Variants in ACAN observed in about 807,000 individuals in gnomAD.
ACAN encodes the protein aggrecan.
ACAN carries 47 observed loss-of-function variants against 169.1 expected under a neutral mutation model. The ratio of observed to expected loss-of-function variants is 0.28; its 90% CI spans 0.22 to 0.35. ACAN has a LOEUF of 0.35. Among genes scored for constraint, ACAN ranks in the 10% least tolerant of loss-of-function variants. The probability of loss-of-function intolerance (pLI) is 1.00; values close to 1 mark genes in which losing one functional copy is unlikely to be tolerated. For synonymous variants in ACAN, 1,115 were observed against 1,112.2 expected (o/e 1.00, Z -0.05); for missense variants, 2,716 against 2,759.9 (o/e 0.98, Z 0.36).
rs761471393 is a variant in ACAN, at chr15:88,849,105, G to T, written c.1733-333G>T. Among the ~76,000 whole-genome samples the T allele has an allele frequency of 3.7e-4, 57 of 152,344 alleles. No individual in the cohort carries two copies. The highest frequency in any genetic ancestry group is 6.8e-3 in the Middle Eastern group (2 of 294). On this transcript the variant is annotated intron_variant, in intron 9 of 18. Transcript: ENST00000560601. The surrounding 1 kb of genome is among the most constrained non-coding windows in gnomAD (Gnocchi z 5.1). ...CTGCCTCGCTTAGCCAAGGGAGGGG[G>T]TGCCTAAGTGTGAGTGGAGAATCCA...
At position 88,858,885 on chromosome 15, in the gene ACAN, C is replaced by T; in HGVS notation, c.6300C>T (p.Ser2100=). ...GVEVSSVPES[S]SETSAYPEAG... ...AAGTATCATCAGTCCCAGAATCTAG[C>T]AGTGAGACGTCCGCCTATCCTGAAG... Residue 2100 remains serine (S), a synonymous_variant, in exon 12 of 19, where the codon AGC becomes AGT. Transcript: ENST00000560601. The surrounding 1 kb of genome is among the most constrained non-coding windows in gnomAD (Gnocchi z 4.0). The T allele has an allele frequency of 1.9e-6, 3 of 1,609,912 alleles. No individual in the cohort carries two copies. The highest frequency in any genetic ancestry group is 2.5e-6 in the Non-Finnish European group (3 of 1,177,144).
chr15:88,874,441 C>A lies in ACAN; in HGVS notation c.7667C>A (p.Ser2556Ter). The A allele has an allele frequency of 6.2e-7, 1 of 1,607,618 alleles. No homozygotes were observed. The change falls in exon 19 of 19, where the codon TCA becomes TAA. Residue 2556 changes from serine (S) to a stop codon, truncating the protein, a stop_gained. Transcript: ENST00000560601. LOFTEE classifies it high-confidence loss of function. This position sits in a 1 kb window ranked among gnomAD's most constrained non-coding sequence, Gnocchi z 7.3. ...AAACGCAGACTACAGAAGCGGAGCT[C>A]ACGGCACCCTCGGAGGAGCCGCCCC... ...TYKRRLQKRS[S>*]RHPRRSRPST...
At position 88,857,120 on chromosome 15, in the gene ACAN, G is replaced by A; in HGVS notation, c.4535G>A (p.Gly1512Glu). ...GIEDVSELPS[G>E]EGLETSASGV... Reference sequence around the variant, plus strand: ...GAGGATGTCAGTGAACTTCCTTCAGGAGAAGGTCTAGAGACCTCTGCTTCT... The same window carrying A: ...GAGGATGTCAGTGAACTTCCTTCAGAAGAAGGTCTAGAGACCTCTGCTTCT... Residue 1512 changes from glycine (G) to glutamate (E), a missense_variant, in exon 12 of 19, where the codon GGA becomes GAA. Transcript: ENST00000560601. 1 of 1,606,972 alleles carries A rather than the reference G, an allele frequency of 6.2e-7. No individual in the cohort carries two copies.
chr15:88,855,237 G>A lies in ACAN; in HGVS notation c.2652G>A (p.Gly884=), dbSNP rs1183692585. The change falls in exon 12 of 19, where the codon GGG becomes GGA. Residue 884 remains glycine, a synonymous_variant. Transcript: ENST00000560601. ...GDVSGHLDFS[G]QLSGDRASGL... is the part of the protein sequence containing the mutation. ...TTTCAGGACACCTTGACTTCAGTGGGCAGCTGTCAGGGGACAGGGCAAGTG... is the reference window on the plus strand; with the variant it reads ...TTTCAGGACACCTTGACTTCAGTGGACAGCTGTCAGGGGACAGGGCAAGTG... 1 of 1,604,514 alleles carries A rather than the reference G, an allele frequency of 6.2e-7. No homozygotes were observed. Among genetic ancestry groups the A allele is most frequent in the Non-Finnish European group, 8.5e-7 (1 of 1,172,500 alleles).
In ACAN at chr15:88,857,196, T is replaced by G; in HGVS notation, c.4611T>G (p.Ile1537Met). ...RLPSGEEVLE[I>M]SASGFGDLSG... ...CTTCTGGAGAAGAAGTTCTAGAGAT[T>G]TCTGCCTCTGGATTTGGGGACCTCA... Residue 1537 changes from isoleucine (I) to methionine (M), a missense_variant, in exon 12 of 19, where the codon ATT becomes ATG. Ile to Met is a conservative substitution (Grantham distance 10, BLOSUM62 1). Coordinates refer to ENST00000560601, the MANE Select transcript of ACAN (RefSeq NM_001369268.1). 2.5e-6 allele frequency: 4 copies of G among 1,613,614 alleles called. No individual in the cohort carries two copies. The highest frequency in any genetic ancestry group is 1.3e-5 in the African/African-American group (1 of 74,974).
intron 1 of ACAN, among the ~76,000 whole-genome samples, chr15:88,832,944 G>A (rs1896401132): frequency 6.6e-6 from 1 of 152,216 alleles, no homozygotes; most frequent in Non-Finnish European, 1.5e-5. Flanking sequence ...GAGGGATGAT[G>A]GCAGTCACAT....
At chr15:88,828,264 C>T (rs1896274854) in intron 1 of ACAN, among the ~76,000 whole-genome samples, 2 of 152,166 alleles carry the variant, frequency 1.3e-5, no homozygotes, top group African/African-American at 4.8e-5. Context: ...AGGACAGGGC[C>T]AGACCCTAGC....
At chr15:88,824,206 C>T (rs895150873) in intron 1 of ACAN, among the ~76,000 whole-genome samples, 1 of 151,992 alleles carries the variant, frequency 6.6e-6, no homozygotes, top group South Asian at 2.1e-4. Flanking sequence ...CACCTGTAGT[C>T]CCAGCTACTC....
rs1897333771 is a variant in ACAN at position 88,869,467 on chromosome 15, C to G, written c.7060+1138C>G. Among the ~76,000 whole-genome samples, 1 of 152,208 alleles carries G rather than the reference C, an allele frequency of 6.6e-6. No individual in the cohort carries two copies. The highest frequency in any genetic ancestry group is 2.1e-4 in the South Asian group (1 of 4,836). ...CCTGGACACTCCTACTCCCTTGCAG[C>G]CTCCCACCCTCCATCCTCACCCCAA... On this transcript the variant is annotated intron_variant, in intron 14 of 18. Coordinates refer to ENST00000560601, the MANE Select transcript of ACAN (RefSeq NM_001369268.1). This position sits in a 1 kb window ranked among gnomAD's most constrained non-coding sequence, Gnocchi z 4.2.
At chr15:88,836,063 C>T (rs1358263419) in intron 1 of ACAN, 137 bp from the exon 2 acceptor site, 2 of 629,064 alleles carry the variant, frequency 3.2e-6, no homozygotes, top group East Asian at 2.8e-5. Context: ...TCACAAACCA[C>T]GTGCAGCCTC....
chr15:88,822,709 CA>C (rs1419814579), intron 1 of ACAN, among the ~76,000 whole-genome samples: 1 of 152,184 alleles, frequency 6.6e-6, no homozygotes, highest in Non-Finnish European at 1.5e-5. Context: ...GCTGGGATTA[CA>C]GGCGTGAGCC....
chr15:88,863,977 G>A (rs1466624571), intron 13 of ACAN, among the ~76,000 whole-genome samples: 1 of 152,080 alleles, frequency 6.6e-6, no homozygotes, highest in Non-Finnish European at 1.5e-5. Context: ...TTCAAGACCA[G>A]CCTGGGCAAC....
chr15:88,817,713 G>A (rs1895975240), intron 1 of ACAN, among the ~76,000 whole-genome samples: 1 of 151,802 alleles, frequency 6.6e-6, no homozygotes, highest in African/African-American at 2.4e-5. Context: ...AATTAGCCAG[G>A]CATAGTGGTG....
rs1464147418 is a variant in ACAN at position 88,861,624 on chromosome 15, C to A, written c.6946+1185C>A. Among the ~76,000 whole-genome samples, 2 of 152,082 alleles carry A rather than the reference C, an allele frequency of 1.3e-5. No individual in the cohort carries two copies. The highest frequency in any genetic ancestry group is 1.3e-4 in the Admixed American group (2 of 15,266). ...GGGCTGCAAGGACAGAGAGGGTGGG[C>A]TATCCTGGGAAGGTCCCGGGCTTAC... On this transcript the variant is annotated intron_variant, in intron 13 of 18. Coordinates refer to ENST00000560601, the MANE Select transcript of ACAN (RefSeq NM_001369268.1). The surrounding 1 kb of genome is among the most constrained non-coding windows in gnomAD (Gnocchi z 6.3).
At chr15:88,824,221 G>A (rs1169195977) in intron 1 of ACAN, among the ~76,000 whole-genome samples, 1 of 152,044 alleles carries the variant, frequency 6.6e-6, no homozygotes, top group Non-Finnish European at 1.5e-5. Context: ...CTACTCAGGA[G>A]GCTGAGGCAG....
intron 1 of ACAN, among the ~76,000 whole-genome samples, chr15:88,820,798 T>C (rs1353458559): frequency 6.6e-6 from 1 of 152,168 alleles, no homozygotes; most frequent in Non-Finnish European, 1.5e-5. Context: ...TCTTTCTCCA[T>C]TGCCCAGGCT....
At chr15:88,826,426 G>A (rs1171620032) in intron 1 of ACAN, among the ~76,000 whole-genome samples, 2 of 126,908 alleles carry the variant, frequency 1.6e-5, no homozygotes, top group Non-Finnish European at 3.2e-5. Flanking sequence ...GAAGGACACT[G>A]TGGAAGAGCC....
At chr15:88,825,175 C>T (rs756739514) in intron 1 of ACAN, among the ~76,000 whole-genome samples, 12 of 152,084 alleles carry the variant, frequency 7.9e-5, no homozygotes, top group Non-Finnish European at 1.6e-4. Flanking sequence ...GCCTCACAGG[C>T]CCTGGGAAGG....
intron 11 of ACAN, among the ~76,000 whole-genome samples, chr15:88,852,443 G>T (rs1218064954): frequency 3.3e-5 from 5 of 152,166 alleles, no homozygotes; most frequent in African/African-American, 1.2e-4. Context: ...ACTGTTGGAA[G>T]TCTGACTGTG....
Sources: gnomAD v4.1 joint callset for allele counts (sites outside exome capture counted in the v4.1 genomes callset) on GRCh38, gnomAD v4.1.1 for gene constraint, Gnocchi (gnomAD v3.1) non-coding constraint, MANE v1.5 for transcripts, NCBI Gene and HGNC (gene_info 2026-07-23, HGNC 2026-07-21) for gene names.